The following OAS1 variants were observed in gnomAD, a reference collection of about 807,000 sequenced individuals.
OAS1 encodes the protein 2'-5'-oligoadenylate synthetase 1, also known as 2'-5'-oligoadenylate synthase 1.
Under a neutral mutation model 38.5 loss-of-function variants are expected in OAS1, and 24 were observed. The ratio of observed to expected loss-of-function variants is 0.62; its 90% CI spans 0.45 to 0.88. The LOEUF is 0.88. OAS1 is among the 40% of genes least tolerant of loss of function. The pLI is 0.00. For synonymous variants in OAS1, 169 were observed against 193.9 expected (o/e 0.87, Z 1.07); for missense variants, 482 against 493.9 (o/e 0.98, Z 0.23).
At chr12:112,927,341 C>A (rs891024036) in intron 6 of OAS1, among the ~76,000 whole-genome samples, 5 of 152,126 alleles carry the variant, frequency 3.3e-5, no homozygotes, top group African/African-American at 1.2e-4. Flanking sequence ...CCCTGACTTC[C>A]CACAACATCA....
In OAS1 at chr12:112,907,172, TG is replaced by T; in HGVS notation, c.134del (p.Cys45SerfsTer15). 6.2e-7 allele frequency: 1 copy of T among 1,614,124 alleles called. No homozygotes were observed. The highest frequency in any genetic ancestry group is 8.5e-7 in the Non-Finnish European group (1 of 1,180,022). ...DIICGFLKER[C>X]FRGSSYPVCV... ...CATCTGTGGGTTCCTGAAGGAAAGGTGCTTCCGAGGTAGCTCCTACCCTGTG... is the reference window on the plus strand; with the variant it reads ...CATCTGTGGGTTCCTGAAGGAAAGGTCTTCCGAGGTAGCTCCTACCCTGTG... On this transcript the variant is annotated frameshift_variant, in exon 1 of 6. Coordinates refer to ENST00000202917, the MANE Select transcript of OAS1 (RefSeq NM_016816.4). LOFTEE classifies it high-confidence loss of function.
intron 3 of OAS1, among the ~76,000 whole-genome samples, chr12:112,913,177 T>C (rs1593157625): frequency 6.6e-6 from 1 of 152,344 alleles, no homozygotes; most frequent in South Asian, 2.1e-4. Context: ...ATATTGAATA[T>C]ATCATTCCAT....
At chr12:112,918,965 G>C in intron 5 of OAS1, 1 of 254,962 alleles carries the variant, frequency 3.9e-6, no homozygotes, top group East Asian at 9.0e-5. Flanking sequence ...CTCAGGGAAA[G>C]GGGGGAAGAA....
At chr12:112,922,782 C>A (rs1470905136), downstream of OAS1, among the ~76,000 whole-genome samples, 1 of 152,224 alleles carries the variant, frequency 6.6e-6, no homozygotes, top group Non-Finnish European at 1.5e-5. Context: ...AGCTCCACAG[C>A]AATTCTGGAA....
chr12:112,927,717 A>G (rs891055044), intron 6 of OAS1, among the ~76,000 whole-genome samples: 1 of 152,198 alleles, frequency 6.6e-6, no homozygotes, highest in African/African-American at 2.4e-5. Context: ...CAGATGCAAT[A>G]TAAGTGTCTT....
chr12:112,910,931 A>C, intron 2 of OAS1, 120 bp from the exon 3 acceptor site: 1 of 895,318 alleles, frequency 1.1e-6, no homozygotes. Context: ...AAGACTTCCC[A>C]GCCCTGGGTC....
intron 3 of OAS1, 29 bp from the exon 4 acceptor site, chr12:112,916,480 T>C: frequency 1.3e-6 from 2 of 1,598,736 alleles, no homozygotes; most frequent in Non-Finnish European, 1.7e-6. Flanking sequence ...GCAAACCAAT[T>C]TTTTTCTGAT....
At chr12:112,916,437 G>T (rs953482134) in intron 3 of OAS1, 72 bp from the exon 4 acceptor site, 7 of 1,120,070 alleles carry the variant, frequency 6.2e-6, no homozygotes, top group Non-Finnish European at 9.4e-6. Flanking sequence ...GCTGGATTTG[G>T]CCCATGAGAA....
At position 112,915,862 on chromosome 12, in the gene OAS1, A is replaced by G. The variant is rs117806101; in HGVS notation, c.655-647A>G. Among the ~76,000 whole-genome samples, 21 of 152,272 alleles carry G rather than the reference A, an allele frequency of 1.4e-4. No homozygotes were observed. In the East Asian group the frequency reaches 4.1e-3, roughly 29 times the overall value. On this transcript the variant is annotated intron_variant, in intron 3 of 5. Transcript: ENST00000202917. ...TTTTAAAGTCTGTGTTCGGTCTTTC[A>G]GCATTTAAAGTTTGTAGGTTTATTA...
intron 4 of OAS1, 64 bp downstream of exon 4, chr12:112,916,802 C>A: frequency 1.6e-6 from 2 of 1,250,258 alleles, no homozygotes; most frequent in Non-Finnish European, 2.3e-6. Flanking sequence ...AGGTACAGTG[C>A]CTTGGAAATG....
chr12:112,908,916 C>A, intron 2 of OAS1, 92 bp downstream of exon 2: 1 of 1,366,640 alleles, frequency 7.3e-7, no homozygotes. Context: ...CAGGGCATCT[C>A]TCTAAAGCAG....
intron 5 of OAS1, chr12:112,918,922 G>A (rs1206947432): frequency 3.8e-6 from 1 of 261,900 alleles, no homozygotes; most frequent in Admixed American, 4.5e-5. Flanking sequence ...TTAGTATGCA[G>A]GATGTTCTGG....
In OAS1 at chr12:112,911,065, G is replaced by A. The variant is rs1131454; in HGVS notation, c.484G>A (p.Gly162Ser). 902,450 of 1,612,274 alleles carry A rather than the reference G, an allele frequency of 0.56. 259,474 individuals are homozygous for A. The highest frequency in any genetic ancestry group is 0.67 in the Admixed American group (40,101 of 59,910). The part of the protein sequence containing the change: ...AFDALGQLTG[G>S]YKPNPQIYVK... ...TGCCCGAACAGGTCAGTTGACTGGC[G>A]GCTATAAACCTAACCCCCAAATCTA... is the stretch of plus-strand genomic sequence containing the variant. Residue 162 changes from glycine to serine, a missense_variant, in exon 3 of 6, where the codon GGC becomes AGC. Coordinates refer to ENST00000202917, the MANE Select transcript of OAS1 (RefSeq NM_016816.4).
chr12:112,907,120 C>G lies in OAS1; in HGVS notation c.81C>G (p.Arg27=). 6.2e-7 allele frequency: 1 copy of G among 1,614,232 alleles called. No individual in the cohort carries two copies. The highest frequency in any genetic ancestry group is 1.1e-5 in the South Asian group (1 of 91,084). Residue 27 remains arginine (R), a synonymous_variant, in exon 1 of 6, where the codon CGC becomes CGG. Transcript: ENST00000202917. ...ATCTCTTGCCAGACACGTGTTTCCG[C>G]ATGCAAATCAACCATGCCATTGACA... ...EDYLLPDTCF[R]MQINHAIDII...
At chr12:112,922,797 A>G (rs959802374), downstream of OAS1, among the ~76,000 whole-genome samples, 1 of 152,232 alleles carries the variant, frequency 6.6e-6, no homozygotes, top group African/African-American at 2.4e-5. Context: ...CTGGAATTTC[A>G]TACTTTTCTG....
chr12:112,907,901 A>G (rs1483273134), intron 1 of OAS1: 1 of 152,464 alleles, frequency 6.6e-6, no homozygotes, highest in African/African-American at 2.4e-5. Context: ...AAAAACTTTT[A>G]TAAGAAACCA....
chr12:112,919,724 A>G lies in OAS1; in HGVS notation c.*171A>G. On this transcript the variant is annotated 3_prime_UTR_variant, in exon 6 of 6. Transcript: ENST00000202917. ...GGCCTTCTATGCCCTCTATCCTATCATAGATAACATTCTCCACAGCCTCAC... is the reference window on the plus strand; with the variant it reads ...GGCCTTCTATGCCCTCTATCCTATCGTAGATAACATTCTCCACAGCCTCAC... The G allele has an allele frequency of 6.7e-7, 1 of 1,497,306 alleles. No homozygotes were observed. Among genetic ancestry groups the G allele is most frequent in the Non-Finnish European group, 8.9e-7 (1 of 1,119,254 alleles). 92.8% of individuals were successfully genotyped at this position (1,497,306 alleles called of 1,614,324 possible). A position where few individuals can be genotyped will look rare whatever the true frequency, so the allele number is the denominator to read the frequency against.
chr12:112,916,857 C>T (rs1394162546), intron 4 of OAS1, 119 bp downstream of exon 4: 3 of 768,800 alleles, frequency 3.9e-6, no homozygotes, highest in East Asian at 2.6e-5. Context: ...CTCCTGTTGC[C>T]CATCATTGTA....
chr12:112,908,322 C>A lies in OAS1; in HGVS notation c.181-214C>A, dbSNP rs2240190. Among the ~76,000 whole-genome samples, 7,762 of 152,222 alleles carry A rather than the reference C, an allele frequency of 0.051. 296 individuals carry two copies. The highest frequency in any genetic ancestry group is 0.19 in the East Asian group (1,005 of 5,170). On this transcript the variant is annotated intron_variant, in intron 1 of 5. Coordinates refer to ENST00000202917, the MANE Select transcript of OAS1 (RefSeq NM_016816.4). ...CTGGGTGATGGGGCTGATATATTAT[C>A]TCACTGAGCATCCATTTTCCCATCT...
Sources: gnomAD v4.1 joint callset for allele counts (sites outside exome capture counted in the v4.1 genomes callset) on GRCh38, gnomAD v4.1.1 for gene constraint, MANE v1.5 for transcripts, NCBI Gene and HGNC (gene_info 2026-07-23, HGNC 2026-07-21) for gene names.